The following LOXL4 variants were observed in gnomAD, a reference collection of about 807,000 sequenced individuals.
The protein encoded by LOXL4 is lysyl oxidase like 4.
In LOXL4, 72 loss-of-function variants were observed where a neutral mutation model predicts 89.1. The ratio of observed to expected loss-of-function variants is 0.81; its 90% CI spans 0.67 to 0.98. The LOEUF (loss-of-function observed/expected upper bound fraction) is 0.98, where lower values mean the gene tolerates loss of function less well. LOXL4 is among the 50% of genes least tolerant of loss of function. The pLI is 0.00. For missense variants in LOXL4, 984 were observed against 1,017.5 expected, an observed-to-expected ratio of 0.97 and a Z score of 0.45; for synonymous variants, 355 against 392.1, an observed-to-expected ratio of 0.91 and a Z score of 1.12.
At position 98,252,469 on chromosome 10, in the gene LOXL4, C is replaced by T. The variant is rs200257522; in HGVS notation, c.1836-1G>A. 6.2e-7 allele frequency: 1 copy of T among 1,606,074 alleles called. No individual in the cohort carries two copies. On this transcript the variant is annotated splice_acceptor_variant, in intron 11 of 14. Coordinates refer to ENST00000260702, the MANE Select transcript of LOXL4 (RefSeq NM_032211.7). LOFTEE classifies it high-confidence loss of function. ...GAAGACCTCAATGCTGTGGTAATGCCTGCAGAAGGGGTAGAGCTGTCAGTG... is the reference window on the plus strand; with the variant it reads ...GAAGACCTCAATGCTGTGGTAATGCTTGCAGAAGGGGTAGAGCTGTCAGTG...
intron 4 of LOXL4, 29 bp downstream of exon 4, chr10:98,260,893 T>C (rs1161871334): frequency 6.3e-7 from 1 of 1,579,154 alleles, no homozygotes; most frequent in Non-Finnish European, 8.6e-7. Flanking sequence ...CCCTGCCTCC[T>C]GTGGGGCCTA....
intron 8 of LOXL4, among the ~76,000 whole-genome samples, chr10:98,257,201 C>T (rs982769569): frequency 6.6e-6 from 1 of 152,230 alleles, no homozygotes; most frequent in African/African-American, 2.4e-5. Context: ...TGCCCTCCAC[C>T]ATTAACGACA....
chr10:98,264,521 C>T (rs114285217), intron 1 of LOXL4, among the ~76,000 whole-genome samples: 1,736 of 151,704 alleles, frequency 0.011, 46 homozygotes, highest in African/African-American at 0.04. Flanking sequence ...CTGTAGGAAG[C>T]GAGGGGCCAG....
At chr10:98,255,859 A>C in intron 9 of LOXL4, 120 bp from the exon 10 acceptor site, 1 of 1,234,838 alleles carries the variant, frequency 8.1e-7, no homozygotes, top group Non-Finnish European at 1.1e-6. Context: ...TGGGCCTGAA[A>C]ATCTTCAGTG....
At chr10:98,252,937 C>T (rs893644846) in intron 11 of LOXL4, among the ~76,000 whole-genome samples, 1 of 152,250 alleles carries the variant, frequency 6.6e-6, no homozygotes, top group African/African-American at 2.4e-5. Context: ...GAGACCAAGT[C>T]CCAAAGTCAT....
rs752918074 is a variant in LOXL4 at position 98,257,171 on chromosome 10, GCTC to G, written c.1261-227_1261-225del. Among the ~76,000 whole-genome samples, 5 of 152,312 alleles carry G rather than the reference GCTC, an allele frequency of 3.3e-5. No homozygotes were observed. The South Asian group carries it at 1.0e-3, about 32-fold the overall frequency. On this transcript the variant is annotated intron_variant, in intron 8 of 14. Coordinates refer to ENST00000260702, the MANE Select transcript of LOXL4 (RefSeq NM_032211.7). ...CTGACTCAAAGTGCCTGGACCAGGG[GCTC>G]CTCCTGCTCTGGCACTTGCCCTCCA... is the stretch of plus-strand genomic sequence containing the variant.
In LOXL4 at chr10:98,262,109, C is replaced by T. The variant is rs921568799; in HGVS notation, c.382G>A (p.Val128Ile). Residue 128 changes from valine (V) to isoleucine (I), a missense_variant, in exon 3 of 15, where the codon GTA (valine) becomes ATA (isoleucine). Coordinates refer to ENST00000260702, the MANE Select transcript of LOXL4 (RefSeq NM_032211.7). ...CGCCGGGGGTGGCATATCACCCCTA[C>T]GTCTTCTGAGTGACTGCAGTCACTG... The part of the protein sequence containing the change: ...GVSDCSHSED[V>I]GVICHPRRHR... The T allele has an allele frequency of 8.1e-6, 13 of 1,613,176 alleles. No homozygotes were observed. The East Asian group carries it at 8.9e-5, about 11-fold the overall frequency.
In LOXL4 at chr10:98,251,079, T is replaced by C. The variant is rs751756187; in HGVS notation, c.2186A>G (p.His729Arg). ...CTCGGAGTTACCTGTGTGGCAGTTG[T>C]GCAGCCAGACCCGGTGCCCATCATA... ...CKYDGHRVWL[H>R]NCHTGNSYPA... Residue 729 changes from histidine to arginine, a missense_variant, in exon 14 of 15, where the codon CAC becomes CGC. Coordinates refer to ENST00000260702, the MANE Select transcript of LOXL4 (RefSeq NM_032211.7). 54 of 1,613,734 alleles carry C rather than the reference T, an allele frequency of 3.3e-5. No individual in the cohort carries two copies. The highest frequency in any genetic ancestry group is 4.3e-5 in the Non-Finnish European group (51 of 1,179,776).
rs557405486 is a variant in LOXL4 at position 98,265,482 on chromosome 10, C to A, written c.-32-2431G>T. ...GCAATGGCACAAACTCGACTCACTG[C>A]AACCTCCGCCTCCAGGGTTCAAGTG... On this transcript the variant is annotated intron_variant, in intron 1 of 14. Coordinates refer to ENST00000260702, the MANE Select transcript of LOXL4 (RefSeq NM_032211.7). Among the ~76,000 whole-genome samples, 23 of 96,184 alleles carry A rather than the reference C, an allele frequency of 2.4e-4. 3 individuals carry two copies. The highest frequency in any genetic ancestry group is 1.1e-3 in the Admixed American group (12 of 10,630). The allele number at this position is 96,184 out of a possible 152,430, so 63.1% of individuals were successfully genotyped here.
At chr10:98,267,933 A>AGCGTGGTC (rs1197358215) in intron 1 of LOXL4, among the ~76,000 whole-genome samples, 199 bp downstream of exon 1, 2 of 152,098 alleles carry the variant, frequency 1.3e-5, no homozygotes, top group Non-Finnish European at 1.5e-5. Flanking sequence ...CAAGCTCCCC[A>AGCGTGGTC]GCGTGGTCAC....
At chr10:98,258,902 C>G in intron 6 of LOXL4, 107 bp downstream of exon 6, 1 of 775,400 alleles carries the variant, frequency 1.3e-6, no homozygotes, top group South Asian at 1.9e-5. Context: ...TCCTCCCAGT[C>G]TGGTTCCTCT....
At chr10:98,266,807 C>T (rs575154641) in intron 1 of LOXL4, among the ~76,000 whole-genome samples, 21 of 152,288 alleles carry the variant, frequency 1.4e-4, no homozygotes, top group African/African-American at 4.8e-4. Context: ...TCAAATGCCA[C>T]CCCCTCCATT....
chr10:98,250,883 G>C (rs1462711648), intron 14 of LOXL4, among the ~76,000 whole-genome samples, 182 bp downstream of exon 14: 2 of 152,216 alleles, frequency 1.3e-5, no homozygotes, highest in African/African-American at 4.8e-5. Context: ...CCGATGGTCT[G>C]ACCAGTTCTA....
Position 98,258,946 on chromosome 10 carries a change from A to AC in LOXL4, c.921+62dup, listed in dbSNP as rs1162622964. 1.2e-4 allele frequency: 168 copies of AC among 1,363,228 alleles called. No individual in the cohort carries two copies. In the South Asian group the frequency reaches 1.3e-3, roughly 10 times the overall value. The allele number at this position is 1,363,228 out of a possible 1,614,324, so 84.4% of individuals were successfully genotyped here. A position where few individuals can be genotyped will look rare whatever the true frequency, so the allele number is the denominator to read the frequency against. On this transcript the variant is annotated intron_variant, in intron 6 of 14. Transcript: ENST00000260702. Reference sequence around the variant, plus strand: ...TGTCCTGGACCTCCCCGCACCCCCCACCAGGCAGTGTCCCGCCCGTGCCTC... The same window carrying AC: ...TGTCCTGGACCTCCCCGCACCCCCCACCCAGGCAGTGTCCCGCCCGTGCCTC...
At chr10:98,252,079 C>G (rs1239831156) in intron 12 of LOXL4, 1 of 501,810 alleles carries the variant, frequency 2.0e-6, no homozygotes, top group African/African-American at 1.9e-5. Flanking sequence ...CCTCGGAGAG[C>G]TCAGCAGAGA....
chr10:98,253,499 G>A, intron 11 of LOXL4, 54 bp downstream of exon 11: 1 of 1,611,298 alleles, frequency 6.2e-7, no homozygotes, highest in Non-Finnish European at 8.5e-7. Flanking sequence ...CTGCTCCCTG[G>A]ACCCTGCTTT....
intron 14 of LOXL4, among the ~76,000 whole-genome samples, chr10:98,250,524 G>C (rs1590874132): frequency 6.6e-6 from 1 of 151,628 alleles, no homozygotes; most frequent in East Asian, 1.9e-4. Flanking sequence ...CTTGAAGATA[G>C]AGGGAGTCTT....
rs753068721 is a variant in LOXL4 at position 98,260,924 on chromosome 10, G to T, written c.660C>A (p.Tyr220Ter). 3.7e-6 allele frequency: 6 copies of T among 1,609,628 alleles called. No individual in the cohort carries two copies. The highest frequency in any genetic ancestry group is 5.1e-6 in the Non-Finnish European group (6 of 1,178,114). ...GCCTACGCCAGCCGCCCTCCTACCT[G>T]TAGTAGTGGCTGTCGACAGGCACCT... ...PSEVPVDSHY[Y>*]RKVWDLKMRD... The change falls in exon 4 of 15, where the codon TAC becomes TAA. Residue 220 changes from tyrosine (Y) to a stop codon, truncating the protein, a stop_gained and splice_region_variant. Coordinates refer to ENST00000260702, the MANE Select transcript of LOXL4 (RefSeq NM_032211.7). LOFTEE classifies it high-confidence loss of function.
chr10:98,267,175 C>T (rs1288167855), intron 1 of LOXL4, among the ~76,000 whole-genome samples: 1 of 152,110 alleles, frequency 6.6e-6, no homozygotes, highest in Non-Finnish European at 1.5e-5. Flanking sequence ...TGGCTAGACG[C>T]CGGACTCTCA....
Sources: gnomAD v4.1 joint callset for allele counts (sites outside exome capture counted in the v4.1 genomes callset) on GRCh38, gnomAD v4.1.1 for gene constraint, MANE v1.5 for transcripts, NCBI Gene and HGNC (gene_info 2026-07-23, HGNC 2026-07-21) for gene names.